SMTNL2: variants seen among roughly 807,000 people sequenced by gnomAD.
SMTNL2 encodes smoothelin like 2.
Under a neutral mutation model 44.1 loss-of-function variants are expected in SMTNL2, and 43 were observed. The ratio of observed to expected loss-of-function variants is 0.98; its 90% CI spans 0.76 to 1.26. The LOEUF (loss-of-function observed/expected upper bound fraction) is 1.26, where lower values mean the gene tolerates loss of function less well. Among genes scored for constraint, SMTNL2 ranks in the 50% most tolerant of loss-of-function variants. SMTNL2 has a pLI of 0.00. For missense variants in SMTNL2, 646 were observed against 670.2 expected (o/e 0.96, Z 0.40); for synonymous variants, 317 against 287.6 (o/e 1.10, Z -1.03).
upstream of SMTNL2, among the ~76,000 whole-genome samples, chr17:4,584,354 A>G (rs2326071): frequency 1.3e-5 from 2 of 152,216 alleles, no homozygotes; most frequent in South Asian, 4.1e-4. Context: ...CCGGGGTCGC[A>G]GGGCTCAGTT....
At chr17:4,605,823 G>T (rs577254723) in intron 7 of SMTNL2, among the ~76,000 whole-genome samples, 1 of 152,304 alleles carries the variant, frequency 6.6e-6, no homozygotes, top group African/African-American at 2.4e-5. Context: ...GTGCCCAGGG[G>T]ACCCAGGCAT....
At chr17:4,593,722 T>C in intron 3 of SMTNL2, 100 bp from the exon 4 acceptor site, 2 of 1,207,344 alleles carry the variant, frequency 1.7e-6, no homozygotes, top group East Asian at 4.8e-5. Context: ...CATGCAGCGA[T>C]GCCGGGTAAA....
chr17:4,592,333 GGT>G lies in SMTNL2; in HGVS notation c.400-27_400-26del. ...GTGGGCAGCTGGCCCTAGCTGATGG[GGT>G]CTCGGTGACATTTGTGTCTCTGTAG... On this transcript the variant is annotated intron_variant, in intron 1 of 7. Coordinates refer to ENST00000389313, the MANE Select transcript of SMTNL2 (RefSeq NM_001114974.2). This position sits in a 1 kb window ranked among gnomAD's most constrained non-coding sequence, Gnocchi z 4.5. The G allele has an allele frequency of 6.2e-7, 1 of 1,610,492 alleles. No homozygotes were observed. The highest frequency in any genetic ancestry group is 1.1e-5 in the South Asian group (1 of 91,012).
chr17:4,604,396 T>C (rs1218530254), intron 7 of SMTNL2, among the ~76,000 whole-genome samples: 2 of 152,160 alleles, frequency 1.3e-5, no homozygotes, highest in Non-Finnish European at 2.9e-5. Flanking sequence ...GCCTTGACAT[T>C]TGGTTTCTGG....
Position 4,596,909 on chromosome 17 carries a change from G to A in SMTNL2, c.1039G>A (p.Val347Met), listed in dbSNP as rs762369593. ...ARLKRSQSFGVASASSIKQIL... is the reference protein window; with the variant it reads ...ARLKRSQSFGMASASSIKQIL... ...GCTGAAGCGGTCGCAGAGCTTCGGC[G>A]TGGCCAGCGCCAGCAGCATCAAGCA... The change falls in exon 6 of 8, where the codon GTG (valine) becomes ATG (methionine). Residue 347 changes from valine (V) to methionine (M), a missense_variant. Val to Met is a conservative substitution (Grantham distance 21, BLOSUM62 1). Coordinates refer to ENST00000389313, the MANE Select transcript of SMTNL2 (RefSeq NM_001114974.2). 2.4e-5 allele frequency: 37 copies of A among 1,521,678 alleles called. 1 individual carries two copies. The highest frequency in any genetic ancestry group is 2.3e-4 in the South Asian group (19 of 83,032). 94.3% of individuals were successfully genotyped at this position (1,521,678 alleles called of 1,614,324 possible).
chr17:4,586,771 G>C (rs935065811), intron 1 of SMTNL2, among the ~76,000 whole-genome samples: 2 of 152,282 alleles, frequency 1.3e-5, no homozygotes, highest in Admixed American at 1.3e-4. Context: ...GTGGGCCTTG[G>C]TGTGTAGAGG....
rs780341444 is a variant in SMTNL2 at position 4,593,137 on chromosome 17, C to T, written c.696C>T (p.Ser232=). ...ATLGGLNPSP[S]EVITPWTPSP... Reference sequence around the variant, plus strand: ...TGGGGGGCCTCAACCCAAGCCCCAGCGAGGTCATCACGCCCTGGACTCCCA... The same window carrying T: ...TGGGGGGCCTCAACCCAAGCCCCAGTGAGGTCATCACGCCCTGGACTCCCA... Residue 232 remains serine, a synonymous_variant, in exon 3 of 8, where the codon AGC becomes AGT. Transcript: ENST00000389313. 3.7e-6 allele frequency: 6 copies of T among 1,610,754 alleles called. No individual in the cohort carries two copies. Among genetic ancestry groups the T allele is most frequent in the African/African-American group, 1.3e-5 (1 of 75,018 alleles).
chr17:4,585,492 G>A (rs1291004285), intron 1 of SMTNL2, among the ~76,000 whole-genome samples: 4 of 152,242 alleles, frequency 2.6e-5, no homozygotes, highest in South Asian at 2.1e-4. Context: ...GGTGGGGAGG[G>A]GGGTCGAGGG....
chr17:4,594,196 C>A (rs760180983), intron 4 of SMTNL2, among the ~76,000 whole-genome samples: 3 of 152,106 alleles, frequency 2.0e-5, no homozygotes, highest in Non-Finnish European at 2.9e-5. Context: ...CACCTGTAAT[C>A]CCAGCACTTT....
Position 4,597,301 on chromosome 17 carries a change from G to C in SMTNL2, c.1237G>C (p.Glu413Gln). ...LSPTQRQKNFELAFTMAENLA... is the reference protein window; with the variant it reads ...LSPTQRQKNFQLAFTMAENLA... Reference sequence around the variant, plus strand: ...CCCCACGCAGAGGCAGAAGAACTTCGAGCTGGCTTTCACCATGGCCGAGTG... The same window carrying C: ...CCCCACGCAGAGGCAGAAGAACTTCCAGCTGGCTTTCACCATGGCCGAGTG... The change falls in exon 7 of 8, where the codon GAG becomes CAG. Residue 413 changes from glutamate to glutamine, a missense_variant. By Grantham distance (29) the Glu-to-Gln change is conservative. Coordinates refer to ENST00000389313, the MANE Select transcript of SMTNL2 (RefSeq NM_001114974.2). 1 of 1,614,090 alleles carries C rather than the reference G, an allele frequency of 6.2e-7. No homozygotes were observed. Among genetic ancestry groups the C allele is most frequent in the South Asian group, 1.1e-5 (1 of 91,082 alleles).
In SMTNL2 at chr17:4,592,583, G is replaced by C. The variant is rs557424975; in HGVS notation, c.487+135G>C. On this transcript the variant is annotated intron_variant, in intron 2 of 7. Transcript: ENST00000389313. This position sits in a 1 kb window ranked among gnomAD's most constrained non-coding sequence, Gnocchi z 4.5. Reference sequence around the variant, plus strand: ...ATCCTGAACCCCAGCAGGGAGAGAGGCTGCCAGGAGAGCAGCGTCATTCAG... The same window carrying C: ...ATCCTGAACCCCAGCAGGGAGAGAGCCTGCCAGGAGAGCAGCGTCATTCAG... 8.7e-5 allele frequency: 69 copies of C among 797,574 alleles called. 1 individual carries two copies. In the East Asian group the frequency reaches 1.5e-3, roughly 17 times the overall value. 49.4% of individuals were successfully genotyped at this position (797,574 alleles called of 1,614,324 possible).
In SMTNL2 at chr17:4,597,250, G is replaced by A. The variant is rs765715603; in HGVS notation, c.1186G>A (p.Asp396Asn). ...CGCCCTGGTACACTCCTTCTTCCCC[G>A]ATGCCTTTGACTACAACTCCCTGAG... ...FCALVHSFFPDAFDYNSLSPT... is the reference protein window; with the variant it reads ...FCALVHSFFPNAFDYNSLSPT... Residue 396 changes from aspartate to asparagine, a missense_variant, in exon 7 of 8, where the codon GAT becomes AAT. Transcript: ENST00000389313. 1.4e-5 allele frequency: 23 copies of A among 1,614,002 alleles called. No individual in the cohort carries two copies. Among genetic ancestry groups the A allele is most frequent in the Non-Finnish European group, 1.8e-5 (21 of 1,180,008 alleles).
chr17:4,586,747 G>T (rs1597407751), intron 1 of SMTNL2, among the ~76,000 whole-genome samples: 1 of 152,284 alleles, frequency 6.6e-6, no homozygotes, highest in East Asian at 1.9e-4. Flanking sequence ...GAAAGGAAAG[G>T]TCTGAGCTGG....
upstream of SMTNL2, chr17:4,584,409 C>G (rs1225192197): frequency 4.2e-6 from 2 of 474,554 alleles, no homozygotes; most frequent in Non-Finnish European, 6.5e-6. Flanking sequence ...CCCTCCGCAC[C>G]GTCCCGCTGG....
rs1909619777 is a variant in SMTNL2, at chr17:4,592,472, G to A, written c.487+24G>A. Reference sequence around the variant, plus strand: ...AGGTAGGGCTGACGGCAGAGGAGGGGTGGCTGGGTAGGTTTGGGGGTTAAG... The same window carrying A: ...AGGTAGGGCTGACGGCAGAGGAGGGATGGCTGGGTAGGTTTGGGGGTTAAG... On this transcript the variant is annotated intron_variant, in intron 2 of 7. Coordinates refer to ENST00000389313, the MANE Select transcript of SMTNL2 (RefSeq NM_001114974.2). This position sits in a 1 kb window ranked among gnomAD's most constrained non-coding sequence, Gnocchi z 4.5. 1 of 1,604,916 alleles carries A rather than the reference G, an allele frequency of 6.2e-7. No individual in the cohort carries two copies. Among genetic ancestry groups the A allele is most frequent in the Non-Finnish European group, 8.5e-7 (1 of 1,175,632 alleles).
At chr17:4,597,422 G>T in intron 7 of SMTNL2, 99 bp downstream of exon 7, 1 of 1,511,896 alleles carries the variant, frequency 6.6e-7, no homozygotes, top group Non-Finnish European at 9.0e-7. Context: ...ATGTCGGGCC[G>T]CTGTCTGCAA....
Position 4,584,915 on chromosome 17 carries a change from C to A in SMTNL2, c.310C>A (p.Pro104Thr). 1 of 1,293,240 alleles carries A rather than the reference C, an allele frequency of 7.7e-7. No individual in the cohort carries two copies. Among genetic ancestry groups the A allele is most frequent in the Admixed American group, 4.2e-5 (1 of 23,746 alleles). The allele number at this position is 1,293,240 out of a possible 1,614,324, so 80.1% of individuals were successfully genotyped here. ...CACTCCCGGCACGCCCAGCCCCCCGCCCGCGCCCGGGGTTCCCGACCGCGC... is the reference window on the plus strand; with the variant it reads ...CACTCCCGGCACGCCCAGCCCCCCGACCGCGCCCGGGGTTCCCGACCGCGC... ...PGTPGTPSPP[P>T]APGVPDRAPR... The change falls in exon 1 of 8, where the codon CCC becomes ACC. Residue 104 changes from proline (P) to threonine (T), a missense_variant. Coordinates refer to ENST00000389313, the MANE Select transcript of SMTNL2 (RefSeq NM_001114974.2).
chr17:4,588,748 G>T (rs1474073339), intron 1 of SMTNL2, among the ~76,000 whole-genome samples: 4 of 152,210 alleles, frequency 2.6e-5, no homozygotes, highest in African/African-American at 9.6e-5. Flanking sequence ...GGTCCTGGAA[G>T]ACAACTTTGC....
Position 4,607,516 on chromosome 17 carries a change from AG to A in SMTNL2, c.*30del. 1 of 1,607,988 alleles carries A rather than the reference AG, an allele frequency of 6.2e-7. No individual in the cohort carries two copies. Among genetic ancestry groups the A allele is most frequent in the Non-Finnish European group, 8.5e-7 (1 of 1,175,100 alleles). The stretch of plus-strand genomic sequence containing the variant: ...CCCTGAGCCTGGATTGCCAAAGAGC[AG>A]CCCCAGGAAGAGGCCGGGGGTCCGC... On this transcript the variant is annotated 3_prime_UTR_variant, in exon 8 of 8. Coordinates refer to ENST00000389313, the MANE Select transcript of SMTNL2 (RefSeq NM_001114974.2). This position sits in a 1 kb window ranked among gnomAD's most constrained non-coding sequence, Gnocchi z 4.7.
Sources: allele counts gnomAD v4.1 joint callset (sites outside exome capture counted in the v4.1 genomes callset), GRCh38; gene constraint gnomAD v4.1.1; non-coding constraint Gnocchi (gnomAD v3.1); transcripts MANE v1.5; gene names NCBI Gene and HGNC (gene_info 2026-07-23, HGNC 2026-07-21).